Variants in KDM2B observed in about 807,000 individuals in gnomAD.
KDM2B encodes the protein lysine-specific demethylase 2B.
In KDM2B, 26 loss-of-function variants were observed where a neutral mutation model predicts 150.0. That is an observed-to-expected ratio of 0.17 (90% CI 0.13 to 0.24). The LOEUF is 0.24. Among genes scored for constraint, KDM2B ranks in the 10% least tolerant of loss-of-function variants. The probability of loss-of-function intolerance (pLI) is 1.00; values close to 1 mark genes in which losing one functional copy is unlikely to be tolerated. For synonymous variants in KDM2B, 734 were observed against 729.5 expected (o/e 1.01, Z -0.10); for missense variants, 1,265 against 1,816.9 (o/e 0.70, Z 5.52).
chr12:121,452,936 G>A lies in KDM2B; in HGVS notation c.1959+184C>T, dbSNP rs782296512. On this transcript the variant is annotated intron_variant, in intron 13 of 22. Transcript: ENST00000377071. The surrounding 1 kb of genome is among the most constrained non-coding windows in gnomAD (Gnocchi z 4.4). ...GTACCTGAGCACCCTGGGAGGGAAGGAGCAGGAGGCCTGAGCCTGCGAAGC... is the reference window on the plus strand; with the variant it reads ...GTACCTGAGCACCCTGGGAGGGAAGAAGCAGGAGGCCTGAGCCTGCGAAGC... 1.2e-4 allele frequency among the ~76,000 whole-genome samples: 19 copies of A among 152,184 alleles called. No individual in the cohort carries two copies. The highest frequency in any genetic ancestry group is 2.6e-4 in the Non-Finnish European group (18 of 68,028).
rs1429869543 is a variant in KDM2B at position 121,467,146 on chromosome 12, CG to C, written c.1735-13803del. Reference sequence around the variant, plus strand: ...GCGGGTCCCTCCCTCAGCCCCACCCCGGGCCGCCGACCTGGTCCGGCTCCGA... The same window carrying C: ...GCGGGTCCCTCCCTCAGCCCCACCCCGGCCGCCGACCTGGTCCGGCTCCGA... On this transcript the variant is annotated intron_variant, in intron 12 of 22. Transcript: ENST00000377071. The surrounding 1 kb of genome is among the most constrained non-coding windows in gnomAD (Gnocchi z 5.1). 1.8e-4 allele frequency: 197 copies of C among 1,124,410 alleles called. No homozygotes were observed. Among genetic ancestry groups the C allele is most frequent in the Non-Finnish European group, 2.1e-4 (188 of 899,986 alleles). The allele number at this position is 1,124,410 out of a possible 1,614,324, so 69.7% of individuals were successfully genotyped here. A position where few individuals can be genotyped will look rare whatever the true frequency, so the allele number is the denominator to read the frequency against.
intron 17 of KDM2B, 33 bp from the exon 18 acceptor site, chr12:121,443,063 T>C (rs1170125295): frequency 6.3e-7 from 1 of 1,591,766 alleles, no homozygotes; most frequent in Admixed American, 1.7e-5. Flanking sequence ...CAGAGCTTGC[T>C]CCCCGGGCTC....
chr12:121,508,536 A>G (rs1249090403), intron 11 of KDM2B, among the ~76,000 whole-genome samples: 1 of 152,224 alleles, frequency 6.6e-6, no homozygotes, highest in African/African-American at 2.4e-5. Flanking sequence ...GGAGGCAGCT[A>G]GCTGGCTTCC....
intron 10 of KDM2B, 52 bp from the exon 11 acceptor site, chr12:121,510,091 A>G (rs574098153): frequency 3.3e-5 from 48 of 1,461,064 alleles, no homozygotes; most frequent in African/African-American, 2.8e-4. Flanking sequence ...ACTCCCTGCC[A>G]AGGTCTTTGG....
Position 121,533,073 on chromosome 12 carries a change from G to T in KDM2B, c.778-114C>A, listed in dbSNP as rs545453346. ...GGGCGAGACAAGCTGTGTGTGGGGTGGGGGGTGTGGAGAGATGGCAGATCC... is the reference window on the plus strand; with the variant it reads ...GGGCGAGACAAGCTGTGTGTGGGGTTGGGGGTGTGGAGAGATGGCAGATCC... On this transcript the variant is annotated intron_variant, in intron 7 of 22. Coordinates refer to ENST00000377071, the MANE Select transcript of KDM2B (RefSeq NM_032590.5). This position sits in a 1 kb window ranked among gnomAD's most constrained non-coding sequence, Gnocchi z 4.1. 4.9e-6 allele frequency: 5 copies of T among 1,028,760 alleles called. No individual in the cohort carries two copies. The highest frequency in any genetic ancestry group is 4.5e-5 in the South Asian group (3 of 66,200). The allele number at this position is 1,028,760 out of a possible 1,614,324, so 63.7% of individuals were successfully genotyped here. A position where few individuals can be genotyped will look rare whatever the true frequency, so the allele number is the denominator to read the frequency against.
At chr12:121,578,700 G>T in intron 2 of KDM2B, 102 bp downstream of exon 2, 1 of 649,108 alleles carries the variant, frequency 1.5e-6, no homozygotes, top group Non-Finnish European at 2.0e-6. Flanking sequence ...CCCCTGGAAT[G>T]GGGGACGCGG....
the KDM2B span, among the ~76,000 whole-genome samples, chr12:121,412,908 G>C: frequency 1.3e-5 from 2 of 151,238 alleles, no homozygotes; most frequent in African/African-American, 2.4e-5. Flanking sequence ...GTAGAGACGG[G>C]GTTTCACCAT....
chr12:121,574,631 A>G, intron 3 of KDM2B, 38 bp from the exon 4 acceptor site: 1 of 1,598,924 alleles, frequency 6.3e-7, no homozygotes. Flanking sequence ...GTGAGAGGCC[A>G]GAAACAACAG....
rs782311830 is a variant in KDM2B, at chr12:121,442,291, G to C, written c.3150C>G (p.Pro1050=). The C allele has an allele frequency of 5.6e-6, 9 of 1,611,294 alleles. No individual in the cohort carries two copies. Among genetic ancestry groups the C allele is most frequent in the Non-Finnish European group, 7.6e-6 (9 of 1,178,646 alleles). Reference sequence around the variant, plus strand: ...CGTCCAGGGGTAGCGAGTCAGGCGGGGGGCTGATGGGGGGTGGCCGGATCA... The same window carrying C: ...CGTCCAGGGGTAGCGAGTCAGGCGGCGGGCTGATGGGGGGTGGCCGGATCA... ...RHVIRPPPIS[P]PPDSLPLDDG... is the part of the protein sequence containing the mutation. The change falls in exon 19 of 23, where the codon CCC becomes CCG. Residue 1050 remains proline (P), a synonymous_variant. Transcript: ENST00000377071. This position sits in a 1 kb window ranked among gnomAD's most constrained non-coding sequence, Gnocchi z 7.7.
intron 11 of KDM2B, among the ~76,000 whole-genome samples, chr12:121,494,950 G>A (rs1883754420): frequency 6.6e-6 from 1 of 151,428 alleles, no homozygotes; most frequent in Admixed American, 6.6e-5. Context: ...TCACAGTTAT[G>A]ACATCTAGCA....
rs781846569 is a variant in KDM2B at position 121,442,622 on chromosome 12, C to A, written c.2819G>T (p.Arg940Leu). The A allele has an allele frequency of 6.2e-7, 1 of 1,602,916 alleles. No homozygotes were observed. The highest frequency in any genetic ancestry group is 1.7e-5 in the Admixed American group (1 of 59,702). ...KKKVKMRRKR[R>L]LPNKELSREL... ...CCTGCTCAGCTCCTTGTTGGGAAGC[C>A]GCCGCTTCCGGCGCATCTTCACCTT... is the stretch of plus-strand genomic sequence containing the variant. Residue 940 changes from arginine to leucine, a missense_variant, in exon 19 of 23, where the codon CGG (arginine) becomes CTG (leucine). Coordinates refer to ENST00000377071, the MANE Select transcript of KDM2B (RefSeq NM_032590.5). The surrounding 1 kb of genome is among the most constrained non-coding windows in gnomAD (Gnocchi z 7.7).
At chr12:121,528,096 G>A (rs575026905) in intron 8 of KDM2B, among the ~76,000 whole-genome samples, 2 of 152,182 alleles carry the variant, frequency 1.3e-5, no homozygotes, top group Non-Finnish European at 2.9e-5. Flanking sequence ...TGACCCTGAC[G>A]CTGTATTCTC....
the KDM2B span, among the ~76,000 whole-genome samples, chr12:121,413,633 A>G: frequency 3.0e-5 from 4 of 131,628 alleles, no homozygotes; most frequent in African/African-American, 9.1e-5. Flanking sequence ...GCTGGAGTGC[A>G]GTGGTGCTAT....
intron 4 of KDM2B, among the ~76,000 whole-genome samples, chr12:121,565,326 T>C (rs1890622766): frequency 6.6e-6 from 1 of 152,098 alleles, no homozygotes; most frequent in Admixed American, 6.6e-5. Flanking sequence ...ACTTTTTTTT[T>C]TTTTTTTAAG....
At chr12:121,536,806 C>A (rs373937087) in intron 6 of KDM2B, among the ~76,000 whole-genome samples, 5 of 152,274 alleles carry the variant, frequency 3.3e-5, no homozygotes, top group African/African-American at 1.2e-4. Context: ...TGGAAGCCCG[C>A]GGGTACCCAC....
Position 121,444,178 on chromosome 12 carries a change from T to C in KDM2B, c.2285A>G (p.Glu762Gly). ...KMNRDNKEGQ[E>G]PAKRRSECEE... The stretch of plus-strand genomic sequence containing the variant: ...ACACTCACTCCTCCGCTTGGCAGGT[T>C]CCTGCCCTTCCTTGTTGTCCCGGTT... The change falls in exon 16 of 23, where the codon GAA (glutamate) becomes GGA (glycine). Residue 762 changes from glutamate to glycine, a missense_variant. Coordinates refer to ENST00000377071, the MANE Select transcript of KDM2B (RefSeq NM_032590.5). 1.2e-6 allele frequency: 2 copies of C among 1,612,746 alleles called. No individual in the cohort carries two copies. The highest frequency in any genetic ancestry group is 1.7e-6 in the Non-Finnish European group (2 of 1,180,034).
chr12:121,452,887 A>G lies in KDM2B; in HGVS notation c.1959+233T>C, dbSNP rs113074675. On this transcript the variant is annotated intron_variant, in intron 13 of 22. Transcript: ENST00000377071. The surrounding 1 kb of genome is among the most constrained non-coding windows in gnomAD (Gnocchi z 4.4). ...TCACAGACAGGACAGGCTGCCTGTC[A>G]TCTTTAATGGCAGCAACTTCAAAGT... Among the ~76,000 whole-genome samples, 704 of 152,314 alleles carry G rather than the reference A, an allele frequency of 4.6e-3. 4 individuals are homozygous for G. The highest frequency in any genetic ancestry group is 0.015 in the African/African-American group (629 of 41,576).
chr12:121,417,826 A>T, the KDM2B span: 2 of 1,614,164 alleles, frequency 1.2e-6, no homozygotes, highest in East Asian at 2.2e-5. The surrounding 1 kb of genome is among the most constrained non-coding windows in gnomAD (Gnocchi z 5.0). Flanking sequence ...TTTTCAAACT[A>T]TACAGCCCCC....
At chr12:121,462,864 AG>A (rs1436403357) in intron 12 of KDM2B, among the ~76,000 whole-genome samples, 4 of 152,100 alleles carry the variant, frequency 2.6e-5, no homozygotes, top group Non-Finnish European at 5.9e-5. Context: ...GCACTTTGGG[AG>A]GCTGAGGCAG....
Sources: allele counts gnomAD v4.1 joint callset (sites outside exome capture counted in the v4.1 genomes callset), GRCh38; gene constraint gnomAD v4.1.1; non-coding constraint Gnocchi (gnomAD v3.1); transcripts MANE v1.5; gene names NCBI Gene and HGNC (gene_info 2026-07-23, HGNC 2026-07-21).